Variants in ARHGAP42 observed in about 807,000 individuals in gnomAD.
ARHGAP42 encodes the protein Rho GTPase activating protein 42.
ARHGAP42 carries 63 observed loss-of-function variants against 125.0 expected under a neutral mutation model. The observed-to-expected ratio is 0.50, with a 90% CI of 0.41 to 0.62. The LOEUF (loss-of-function observed/expected upper bound fraction) is 0.62. Among genes scored for constraint, ARHGAP42 ranks in the 20% least tolerant of loss-of-function variants. The probability of loss-of-function intolerance (pLI) is 0.00; values close to 1 mark genes in which losing one functional copy is unlikely to be tolerated. For synonymous variants in ARHGAP42, 339 were observed against 351.0 expected, an observed-to-expected ratio of 0.97 and a Z score of 0.38; for missense variants, 766 against 1,024.2, an observed-to-expected ratio of 0.75 and a Z score of 3.44.
At chr11:100,956,990 C>G (rs1449841070) in intron 12 of ARHGAP42, among the ~76,000 whole-genome samples, 1 of 152,038 alleles carries the variant, frequency 6.6e-6, no homozygotes, top group Non-Finnish European at 1.5e-5. Flanking sequence ...GCATTCTTCT[C>G]TAGTCAATAA....
intron 3 of ARHGAP42, among the ~76,000 whole-genome samples, chr11:100,803,012 T>C (rs770610503): frequency 5.9e-5 from 9 of 152,176 alleles, no homozygotes; most frequent in Non-Finnish European, 1.2e-4. Context: ...GCTTGCATTC[T>C]AAGGGGAAGA....
chr11:100,748,184 G>T (rs868416122), intron 1 of ARHGAP42, among the ~76,000 whole-genome samples: 11 of 152,136 alleles, frequency 7.2e-5, no homozygotes, highest in African/African-American at 2.2e-4. Flanking sequence ...ATAAGACCTC[G>T]TTCAGTCCAT....
At chr11:100,954,059 G>GAAC (rs1194827521) in intron 12 of ARHGAP42, among the ~76,000 whole-genome samples, 2 of 152,070 alleles carry the variant, frequency 1.3e-5, no homozygotes, top group Non-Finnish European at 2.9e-5. Flanking sequence ...CTCCATCTTG[G>GAAC]AACAGTCATT....
intron 1 of ARHGAP42, among the ~76,000 whole-genome samples, chr11:100,723,386 A>C (rs899923100): frequency 3.9e-5 from 6 of 152,242 alleles, no homozygotes; most frequent in Non-Finnish European, 7.3e-5. Context: ...ACACCTTGAC[A>C]ACATTAAGTC....
intron 2 of ARHGAP42, among the ~76,000 whole-genome samples, chr11:100,778,165 C>T (rs923393967): frequency 1.3e-5 from 2 of 151,648 alleles, no homozygotes; most frequent in African/African-American, 4.8e-5. Context: ...ATGTTGAGAC[C>T]CTGTCTCTTA....
At chr11:100,787,048 C>A (rs897531827) in intron 2 of ARHGAP42, among the ~76,000 whole-genome samples, 1 of 151,894 alleles carries the variant, frequency 6.6e-6, no homozygotes, top group Non-Finnish European at 1.5e-5. Flanking sequence ...GAGGCCGAGG[C>A]GGGTGGATCA....
intron 1 of ARHGAP42, among the ~76,000 whole-genome samples, chr11:100,766,954 T>G (rs1204887678): frequency 6.6e-6 from 1 of 152,162 alleles, no homozygotes; most frequent in Non-Finnish European, 1.5e-5. Flanking sequence ...ATTCATGCAT[T>G]CTTAATTCCA....
chr11:100,968,128 G>C (rs780714904), intron 17 of ARHGAP42, among the ~76,000 whole-genome samples: 35 of 152,072 alleles, frequency 2.3e-4, no homozygotes, highest in Non-Finnish European at 4.9e-4. Flanking sequence ...CTTTCATTTG[G>C]TTACTGTTTG....
At chr11:100,876,233 A>C (rs2135168155) in intron 4 of ARHGAP42, among the ~76,000 whole-genome samples, 1 of 152,358 alleles carries the variant, frequency 6.6e-6, no homozygotes, top group Non-Finnish European at 1.5e-5. Flanking sequence ...TTCTTAACAC[A>C]GACACCACAA....
chr11:100,829,474 C>G (rs528916138), intron 3 of ARHGAP42, among the ~76,000 whole-genome samples: 1 of 152,180 alleles, frequency 6.6e-6, no homozygotes, highest in Non-Finnish European at 1.5e-5. Context: ...ACTGGACACA[C>G]TGGCAGCTCT....
intron 1 of ARHGAP42, among the ~76,000 whole-genome samples, chr11:100,727,133 AGT>A (rs1861875973): frequency 6.6e-6 from 1 of 152,208 alleles, no homozygotes; most frequent in African/African-American, 2.4e-5. Flanking sequence ...TTCATTCTGA[AGT>A]TTTTCTTTTT....
At position 100,738,850 on chromosome 11, in the gene ARHGAP42, T is replaced by C. The variant is rs1431871133; in HGVS notation, c.155-31493T>C. 2.0e-5 allele frequency among the ~76,000 whole-genome samples: 3 copies of C among 152,346 alleles called. No homozygotes were observed. In the East Asian group the frequency reaches 5.8e-4, roughly 29 times the overall value. ...AGCAGGGCAAAACAAACTGTGCCCG[T>C]TGCATTCCTTGCCAAGGTCAATGCT... is the stretch of plus-strand genomic sequence containing the variant. On this transcript the variant is annotated intron_variant, in intron 1 of 23. Coordinates refer to ENST00000298815, the MANE Select transcript of ARHGAP42 (RefSeq NM_152432.4).
At chr11:100,909,074 G>C (rs1346182780) in intron 4 of ARHGAP42, among the ~76,000 whole-genome samples, 1 of 152,008 alleles carries the variant, frequency 6.6e-6, no homozygotes, top group Admixed American at 6.6e-5. Context: ...CTTTTTAATA[G>C]GGTTATTTGT....
At chr11:100,796,131 A>G (rs1863705754) in intron 3 of ARHGAP42, among the ~76,000 whole-genome samples, 1 of 152,086 alleles carries the variant, frequency 6.6e-6, no homozygotes, top group Admixed American at 6.6e-5. Flanking sequence ...TTCTAACAGC[A>G]TGTGTGTACT....
At chr11:100,957,174 C>T (rs978115957) in intron 12 of ARHGAP42, among the ~76,000 whole-genome samples, 4 of 152,024 alleles carry the variant, frequency 2.6e-5, no homozygotes, top group African/African-American at 9.7e-5. Flanking sequence ...CAAAACCATG[C>T]CTAGTAACAG....
chr11:100,976,081 A>G lies in ARHGAP42; in HGVS notation c.1880A>G (p.Asp627Gly). The G allele has an allele frequency of 6.5e-7, 1 of 1,539,260 alleles. No homozygotes were observed. Among genetic ancestry groups the G allele is most frequent in the Non-Finnish European group, 8.8e-7 (1 of 1,140,736 alleles). Reference sequence around the variant, plus strand: ...GGTGACTCCTATAGCAGCAGCCCAGACAGCACACCTATGGGGAGCATTGAG... The same window carrying G: ...GGTGACTCCTATAGCAGCAGCCCAGGCAGCACACCTATGGGGAGCATTGAG... ...PDSDSYSSSP[D>G]STPMGSIESL... Residue 627 changes from aspartate (D) to glycine (G), a missense_variant, in exon 20 of 24, where the codon GAC becomes GGC. Around this residue, in one of 3 missense-constraint regions of ARHGAP42, gnomAD observed 308 missense variants for 369.7 expected, o/e 0.83. Coordinates refer to ENST00000298815, the MANE Select transcript of ARHGAP42 (RefSeq NM_152432.4).
At chr11:100,933,866 CA>C (rs1430961888) in intron 7 of ARHGAP42, among the ~76,000 whole-genome samples, 2 of 152,106 alleles carry the variant, frequency 1.3e-5, no homozygotes, top group Non-Finnish European at 2.9e-5. Flanking sequence ...CGGCTCACCG[CA>C]ACCTCCACCT....
chr11:100,723,876 C>T (rs1457688149), intron 1 of ARHGAP42, among the ~76,000 whole-genome samples: 2 of 152,124 alleles, frequency 1.3e-5, no homozygotes, highest in African/African-American at 4.8e-5. Flanking sequence ...TTCAATATGA[C>T]ATTAGCTGTA....
Position 100,993,582 on chromosome 11 carries a change from AC to A in ARHGAP42, c.*4783del, listed in dbSNP as rs1385978463. The A allele has an allele frequency of 6.0e-6, 1 of 167,042 alleles. No individual in the cohort carries two copies. Among genetic ancestry groups the A allele is most frequent in the African/African-American group, 2.4e-5 (1 of 41,450 alleles). 10.3% of individuals were successfully genotyped at this position (167,042 alleles called of 1,614,324 possible). A position where few individuals can be genotyped will look rare whatever the true frequency, so the allele number is the denominator to read the frequency against. On this transcript the variant is annotated 3_prime_UTR_variant, in exon 24 of 24. Coordinates refer to ENST00000298815, the MANE Select transcript of ARHGAP42 (RefSeq NM_152432.4). ...AAATAGGGAATTTGGCAGGGAAGAC[AC>A]CTGGGTTTTTAATTCAGAACCCTAT...
Sources: allele counts gnomAD v4.1 joint callset (sites outside exome capture counted in the v4.1 genomes callset), GRCh38; gene constraint gnomAD v4.1.1; regional missense constraint gnomAD v4.1.1; transcripts MANE v1.5; gene names NCBI Gene and HGNC (gene_info 2026-07-23, HGNC 2026-07-21).